The following DRC9 variants were observed in gnomAD, a reference collection of about 807,000 sequenced individuals.
The protein encoded by DRC9 is dynein regulatory complex protein 9.
chr3:197,941,768 C>T, the DRC9 span, among the ~76,000 whole-genome samples: 8 of 151,510 alleles, frequency 5.3e-5, no homozygotes, highest in African/African-American at 1.9e-4. Flanking sequence ...TTCTATGCTG[C>T]CCAGGCTGGT....
chr3:197,889,569 A>G, the DRC9 span: 37 of 1,614,186 alleles, frequency 2.3e-5, no homozygotes, highest in Non-Finnish European at 2.9e-5. Context: ...AAAACACAAA[A>G]GAGAACTTGG....
At chr3:197,926,630 G>A in the DRC9 span, among the ~76,000 whole-genome samples, 1 of 152,140 alleles carries the variant, frequency 6.6e-6, no homozygotes, top group African/African-American at 2.4e-5. Context: ...TCTAGGCTCT[G>A]CAATCCTTCT....
chr3:197,941,487 C>G, the DRC9 span, among the ~76,000 whole-genome samples: 5 of 58,956 alleles, frequency 8.5e-5, no homozygotes, highest in Admixed American at 1.7e-4. Flanking sequence ...CCCCCTTCCC[C>G]TCCCTCCCTC....
At chr3:197,906,019 TAA>T in the DRC9 span, among the ~76,000 whole-genome samples, 2 of 146,956 alleles carry the variant, frequency 1.4e-5, no homozygotes, top group Admixed American at 6.8e-5. Flanking sequence ...AGTTGATGAT[TAA>T]AAAAAAAAAA....
At chr3:197,919,816 G>C in the DRC9 span, among the ~76,000 whole-genome samples, 1 of 152,120 alleles carries the variant, frequency 6.6e-6, no homozygotes, top group Non-Finnish European at 1.5e-5. Context: ...TAGACCTCAG[G>C]CTTCCCCTCT....
At chr3:197,928,341 C>CTTTTTTT in the DRC9 span, among the ~76,000 whole-genome samples, 2 of 130,638 alleles carry the variant, frequency 1.5e-5, no homozygotes, top group Non-Finnish European at 3.2e-5. Flanking sequence ...TCTGTTCCCT[C>CTTTTTTT]TTTTTTTTTT....
chr3:197,954,944 G>A, the DRC9 span, among the ~76,000 whole-genome samples: 1 of 152,212 alleles, frequency 6.6e-6, no homozygotes, highest in African/African-American at 2.4e-5. Context: ...TAGAACAGGT[G>A]TTAGTAGCTT....
At chr3:197,904,100 ATATATATATATTTTT>A in the DRC9 span, among the ~76,000 whole-genome samples, 239 of 47,932 alleles carry the variant, frequency 5.0e-3, 1 homozygote, top group African/African-American at 0.016. Flanking sequence ...ATATATATAT[ATATATATATATTTTT>A]TTTTTTAAAG....
the DRC9 span, chr3:197,954,433 A>G: frequency 2.2e-6 from 1 of 453,766 alleles, no homozygotes; most frequent in Non-Finnish European, 4.1e-6. Flanking sequence ...TCCTGGGTTC[A>G]AGCAATCCTT....
the DRC9 span, chr3:197,957,150 T>C: frequency 2.6e-5 from 4 of 152,202 alleles, no homozygotes; most frequent in African/African-American, 9.7e-5. Flanking sequence ...GAGACAGGAC[T>C]GAGAAGGAAA....
the DRC9 span, chr3:197,913,343 T>A: frequency 4.3e-6 from 1 of 233,016 alleles, no homozygotes; most frequent in African/African-American, 2.4e-5. Flanking sequence ...CGTGCGTGCG[T>A]GCGTGTGTGC....
the DRC9 span, among the ~76,000 whole-genome samples, chr3:197,915,163 CAAAAAAA>C: frequency 1.4e-5 from 1 of 71,366 alleles, no homozygotes; most frequent in African/African-American, 4.4e-5. Context: ...GATTCTGTCT[CAAAAAAA>C]AAAAAAAAAA....
At chr3:197,959,582 C>G in the DRC9 span, 1 of 152,182 alleles carries the variant, frequency 6.6e-6, no homozygotes, top group African/African-American at 2.4e-5. Flanking sequence ...AATTTTACTT[C>G]TTAGTGTCAT....
chr3:197,956,650 G>GTTT, the DRC9 span: 1 of 135,502 alleles, frequency 7.4e-6, no homozygotes, highest in African/African-American at 2.9e-5. Context: ...TGAAGACAAG[G>GTTT]TCTTGTTTTG....
chr3:197,936,047 A>G, the DRC9 span, among the ~76,000 whole-genome samples: 2 of 151,950 alleles, frequency 1.3e-5, no homozygotes, highest in African/African-American at 4.8e-5. Flanking sequence ...CAGGAGTTCA[A>G]GACCTGCTCG....
At chr3:197,945,764 T>C in the DRC9 span, 2 of 645,284 alleles carry the variant, frequency 3.1e-6, no homozygotes, top group Non-Finnish European at 5.5e-6. Context: ...ACCATTTCAT[T>C]AAGAGAAAAT....
the DRC9 span, among the ~76,000 whole-genome samples, chr3:197,955,131 T>C: frequency 2.0e-5 from 3 of 152,168 alleles, no homozygotes; most frequent in Non-Finnish European, 4.4e-5. Flanking sequence ...CAAGAATATA[T>C]GCATACCATG....
chr3:197,902,689 A>G, the DRC9 span, among the ~76,000 whole-genome samples: 1 of 152,042 alleles, frequency 6.6e-6, no homozygotes, highest in East Asian at 1.9e-4. Flanking sequence ...AAAAAGGATA[A>G]AAGAAATGGA....
the DRC9 span, among the ~76,000 whole-genome samples, chr3:197,939,208 T>C: frequency 2.0e-5 from 3 of 152,220 alleles, no homozygotes. Context: ...ATTCAATAAA[T>C]GTGGCCATCT....
Sources: allele counts gnomAD v4.1 joint callset (sites outside exome capture counted in the v4.1 genomes callset), GRCh38; gene constraint gnomAD v4.1.1; transcripts MANE v1.5; gene names NCBI Gene and HGNC (gene_info 2026-07-23, HGNC 2026-07-21).